The following HRH1 variants were observed in gnomAD, a reference collection of about 807,000 sequenced individuals.
HRH1 encodes histamine receptor H1.
A neutral mutation model predicts 10.3 loss-of-function variants in HRH1; 6 were observed. That is an observed-to-expected ratio of 0.58 (90% CI 0.32 to 1.15). HRH1 has a LOEUF of 1.15. Ranked by LOEUF, HRH1 falls within the 50% of genes most tolerant of loss-of-function variation. The pLI is 0.05. For synonymous variants in HRH1, 242 were observed against 236.7 expected, an observed-to-expected ratio of 1.02 and a Z score of -0.21; for missense variants, 514 against 615.3, an observed-to-expected ratio of 0.84 and a Z score of 1.74.
chr3:11,232,385 T>G (rs1482046809), intron 1 of HRH1, among the ~76,000 whole-genome samples: 2 of 152,180 alleles, frequency 1.3e-5, no homozygotes, highest in African/African-American at 4.8e-5. Flanking sequence ...CTTTCTCTCC[T>G]CCATTAAATT....
intron 1 of HRH1, among the ~76,000 whole-genome samples, chr3:11,141,278 A>G (rs892310011): frequency 1.3e-5 from 2 of 152,230 alleles, no homozygotes; most frequent in Non-Finnish European, 2.9e-5. Flanking sequence ...TAAATGAAAA[A>G]TCACACACTA....
intron 1 of HRH1, among the ~76,000 whole-genome samples, chr3:11,177,192 G>A (rs1314737769): frequency 6.6e-6 from 1 of 151,848 alleles, no homozygotes; most frequent in Non-Finnish European, 1.5e-5. Flanking sequence ...ATTGCTTGAG[G>A]CCCAGGAGTT....
intron 1 of HRH1, among the ~76,000 whole-genome samples, chr3:11,206,646 C>G (rs780664075): frequency 6.6e-6 from 1 of 152,228 alleles, no homozygotes; most frequent in Non-Finnish European, 1.5e-5. Context: ...GATGCAGGGA[C>G]CAAGGCGCAG....
At chr3:11,198,420 T>C (rs1937759602) in intron 1 of HRH1, among the ~76,000 whole-genome samples, 3 of 152,234 alleles carry the variant, frequency 2.0e-5, no homozygotes, top group Non-Finnish European at 2.9e-5. Flanking sequence ...AAGATGACAG[T>C]AGCAAATGAA....
chr3:11,189,017 G>T (rs542571241), intron 1 of HRH1, among the ~76,000 whole-genome samples: 41 of 152,298 alleles, frequency 2.7e-4, no homozygotes, highest in Non-Finnish European at 5.4e-4. Context: ...ACCTAACTTT[G>T]CTACAGCGTG....
intron 1 of HRH1, among the ~76,000 whole-genome samples, chr3:11,155,770 A>G (rs969216605): frequency 7.2e-5 from 11 of 152,258 alleles, no homozygotes; most frequent in African/African-American, 2.6e-4. Flanking sequence ...GGAGAGGGGA[A>G]TTGAGGGTCT....
In HRH1 at chr3:11,263,001, G is replaced by A. The variant is rs200110369; in HGVS notation, c.*2500G>A. 2 of 167,068 alleles carry A rather than the reference G, an allele frequency of 1.2e-5. No individual in the cohort carries two copies. Among genetic ancestry groups the A allele is most frequent in the South Asian group, 4.1e-4 (2 of 4,834 alleles). 10.3% of individuals were successfully genotyped at this position (167,068 alleles called of 1,614,324 possible). A position where few individuals can be genotyped will look rare whatever the true frequency, so the allele number is the denominator to read the frequency against. ...GTTGCCTTTACAACAACCTCATGAG[G>A]GAGATTTCCATCTTTACAAATAGGC... is the stretch of plus-strand genomic sequence containing the variant. On this transcript the variant is annotated 3_prime_UTR_variant, in exon 2 of 2. Coordinates refer to ENST00000431010, the MANE Select transcript of HRH1 (RefSeq NM_001098212.2).
chr3:11,217,406 G>A (rs775677417), intron 1 of HRH1, among the ~76,000 whole-genome samples: 16 of 152,016 alleles, frequency 1.1e-4, no homozygotes, highest in Admixed American at 4.6e-4. Flanking sequence ...GCAGGTGCCT[G>A]TAATCTCAGC....
At chr3:11,197,507 A>G (rs1937709101) in intron 1 of HRH1, among the ~76,000 whole-genome samples, 1 of 152,176 alleles carries the variant, frequency 6.6e-6, no homozygotes, top group Non-Finnish European at 1.5e-5. Context: ...TTTGTTTTGA[A>G]CAAAAGGTAC....
intron 1 of HRH1, among the ~76,000 whole-genome samples, chr3:11,167,262 G>A (rs558137862): frequency 1.2e-4 from 17 of 141,792 alleles, no homozygotes; most frequent in Admixed American, 4.2e-4. Context: ...CTCCAGGCCC[G>A]TGACATCTGC....
intron 1 of HRH1, among the ~76,000 whole-genome samples, chr3:11,166,862 T>C (rs1206003226): frequency 5.6e-4 from 59 of 105,630 alleles, no homozygotes; most frequent in East Asian, 1.7e-3. Context: ...CCCACGACAT[T>C]TGCTGTCCCC....
chr3:11,165,626 C>T (rs1468884853), intron 1 of HRH1, among the ~76,000 whole-genome samples: 1 of 152,206 alleles, frequency 6.6e-6, no homozygotes, highest in Non-Finnish European at 1.5e-5. Context: ...GTTGCTCCAT[C>T]AGTGCCAAGA....
chr3:11,249,659 C>T (rs1292500300), intron 1 of HRH1, among the ~76,000 whole-genome samples: 2 of 152,126 alleles, frequency 1.3e-5, no homozygotes, highest in Non-Finnish European at 2.9e-5. Flanking sequence ...TGTATGGTTT[C>T]AGGAATATAC....
At chr3:11,180,028 G>A (rs1001135268) in intron 1 of HRH1, among the ~76,000 whole-genome samples, 5 of 152,044 alleles carry the variant, frequency 3.3e-5, no homozygotes, top group African/African-American at 7.2e-5. Context: ...CTCCCAAAGC[G>A]CTGGAATTAC....
At chr3:11,139,576 C>T (rs760259177) in intron 1 of HRH1, among the ~76,000 whole-genome samples, 10 of 152,066 alleles carry the variant, frequency 6.6e-5, no homozygotes, top group Non-Finnish European at 1.2e-4. Flanking sequence ...CACCGTGACC[C>T]GCCTGTTCTT....
At chr3:11,174,044 C>T (rs975377500) in intron 1 of HRH1, among the ~76,000 whole-genome samples, 5 of 152,198 alleles carry the variant, frequency 3.3e-5, no homozygotes, top group African/African-American at 1.2e-4. Flanking sequence ...TCCTTCAATA[C>T]CACATTCCAA....
chr3:11,149,634 G>A (rs1936555006), upstream of HRH1, among the ~76,000 whole-genome samples: 2 of 152,230 alleles, frequency 1.3e-5, no homozygotes, highest in Admixed American at 6.5e-5. Flanking sequence ...GAGCTAAACG[G>A]AGAGACTGAG....
chr3:11,171,312 C>T (rs1190871419), intron 1 of HRH1, among the ~76,000 whole-genome samples: 1 of 151,882 alleles, frequency 6.6e-6, no homozygotes, highest in Non-Finnish European at 1.5e-5. Context: ...GACAAGGTTT[C>T]ACCGCATTGG....
chr3:11,148,281 T>G (rs749455006), intron 1 of HRH1, among the ~76,000 whole-genome samples: 3 of 152,036 alleles, frequency 2.0e-5, no homozygotes, highest in Non-Finnish European at 4.4e-5. Context: ...ACTTCCTCAA[T>G]GCCCAAGAGT....
Sources: allele counts gnomAD v4.1 joint callset (sites outside exome capture counted in the v4.1 genomes callset), GRCh38; gene constraint gnomAD v4.1.1; transcripts MANE v1.5; gene names NCBI Gene and HGNC (gene_info 2026-07-23, HGNC 2026-07-21).